CPED1: variants seen among roughly 807,000 people sequenced by gnomAD.
The protein encoded by CPED1 is cadherin like and PC-esterase domain containing 1.
CPED1 carries 114 observed loss-of-function variants against 128.2 expected under a neutral mutation model. That is an observed-to-expected ratio of 0.89 (90% CI 0.76 to 1.04). The LOEUF is 1.04. Ranked by LOEUF, CPED1 falls within the 50% of genes least tolerant of loss-of-function variation. The pLI is 0.00. For synonymous variants in CPED1, 462 were observed against 426.7 expected (o/e 1.08, Z -1.02); for missense variants, 1,211 against 1,207.1 (o/e 1.00, Z -0.05).
At chr7:121,070,013 T>A (rs1793948324) in intron 5 of CPED1, among the ~76,000 whole-genome samples, 1 of 152,060 alleles carries the variant, frequency 6.6e-6, no homozygotes, top group Non-Finnish European at 1.5e-5. Flanking sequence ...AAAGATAGCA[T>A]TTTGAACATT....
chr7:121,132,921 T>C (rs180827106), intron 12 of CPED1, among the ~76,000 whole-genome samples: 1 of 152,108 alleles, frequency 6.6e-6, no homozygotes, highest in African/African-American at 2.4e-5. Flanking sequence ...TTTTAATTCC[T>C]TGATGCTTTT....
At chr7:121,054,685 G>A (rs1283416210) in intron 4 of CPED1, among the ~76,000 whole-genome samples, 3 of 142,286 alleles carry the variant, frequency 2.1e-5, no homozygotes, top group Non-Finnish European at 4.6e-5. Context: ...TTTTTAATTT[G>A]CATGTAGTAA....
At chr7:121,129,739 C>T (rs963172552) in intron 11 of CPED1, among the ~76,000 whole-genome samples, 11 of 151,568 alleles carry the variant, frequency 7.3e-5, no homozygotes, top group Non-Finnish European at 1.3e-4. Flanking sequence ...TTTTTATTTG[C>T]GGGGGAAAGA....
intron 7 of CPED1, among the ~76,000 whole-genome samples, chr7:121,122,114 A>C (rs1795405039): frequency 2.0e-5 from 3 of 151,794 alleles, no homozygotes. Flanking sequence ...GAATGAATTA[A>C]AAAGAAGAAA....
At chr7:121,153,711 ACC>A (rs1214635158) in intron 16 of CPED1, among the ~76,000 whole-genome samples, 1 of 152,234 alleles carries the variant, frequency 6.6e-6, no homozygotes, top group Non-Finnish European at 1.5e-5. Flanking sequence ...TCTATCACAT[ACC>A]AAAACAAGAT....
At chr7:121,006,213 C>T (rs1346922670) in intron 2 of CPED1, among the ~76,000 whole-genome samples, 1 of 152,066 alleles carries the variant, frequency 6.6e-6, no homozygotes, top group Non-Finnish European at 1.5e-5. Context: ...CAGAGACTTG[C>T]TATTATATTA....
intron 5 of CPED1, among the ~76,000 whole-genome samples, chr7:121,093,334 C>A (rs1179210004): frequency 6.6e-6 from 1 of 151,698 alleles, no homozygotes; most frequent in Non-Finnish European, 1.5e-5. Context: ...CCTATGCTAT[C>A]CCTTGCTGCC....
chr7:121,029,008 C>A (rs1001688641), intron 3 of CPED1, among the ~76,000 whole-genome samples: 1 of 151,862 alleles, frequency 6.6e-6, no homozygotes, highest in Non-Finnish European at 1.5e-5. Flanking sequence ...AAACACATAC[C>A]ATAAAAACTT....
chr7:121,078,498 GAAAAAAAAAAAAAAAAA>G (rs529856618), intron 5 of CPED1, among the ~76,000 whole-genome samples: 2 of 101,928 alleles, frequency 2.0e-5, no homozygotes, highest in African/African-American at 4.3e-5. Flanking sequence ...AAGAAAGAAA[GAAAAAAAAAAAAAAAAA>G]AAAAAAAAAA....
In CPED1 at chr7:121,127,126, A is replaced by G. The variant is rs770774830; in HGVS notation, c.1171A>G (p.Met391Val). The change falls in exon 10 of 23, where the codon ATG becomes GTG. Residue 391 changes from methionine (M) to valine (V), a missense_variant. Physicochemically the swap from Met to Val is conservative, Grantham distance 21 (BLOSUM62 1). Coordinates refer to ENST00000310396, the MANE Select transcript of CPED1 (RefSeq NM_024913.5). ...EHLNFQDYDNMDFEDQNTEEF... is the reference protein window; with the variant it reads ...EHLNFQDYDNVDFEDQNTEEF... ...TTTAAATTTTCAAGATTATGATAAT[A>G]TGGATTTTGAGGACCAAAATACAGA... 1 of 1,601,672 alleles carries G rather than the reference A, an allele frequency of 6.2e-7. No homozygotes were observed. The highest frequency in any genetic ancestry group is 1.1e-5 in the South Asian group (1 of 90,332).
intron 14 of CPED1, among the ~76,000 whole-genome samples, chr7:121,140,231 G>T (rs868053): frequency 0.34 from 51,036 of 151,788 alleles, 8,956 homozygotes; most frequent in Middle Eastern, 0.49. Context: ...AGGATAGTAT[G>T]TCCTTCTTAT....
At chr7:121,172,209 A>T (rs1796662159) in intron 16 of CPED1, among the ~76,000 whole-genome samples, 2 of 152,270 alleles carry the variant, frequency 1.3e-5, no homozygotes, top group South Asian at 4.2e-4. Context: ...ATAGGTAGTA[A>T]TCGGTATCTT....
intron 17 of CPED1, among the ~76,000 whole-genome samples, chr7:121,239,750 A>T (rs1173436151): frequency 6.6e-6 from 1 of 152,168 alleles, no homozygotes; most frequent in Non-Finnish European, 1.5e-5. Context: ...CCGTTGTATC[A>T]TTCAATCTGA....
chr7:121,129,996 T>C (rs867285723), intron 11 of CPED1, 129 bp from the exon 12 acceptor site: 1 of 727,022 alleles, frequency 1.4e-6, no homozygotes, highest in African/African-American at 1.9e-5. Flanking sequence ...AACTAATTTA[T>C]GGTACTGACC....
intron 8 of CPED1, among the ~76,000 whole-genome samples, chr7:121,124,831 A>G (rs546607988): frequency 6.6e-6 from 1 of 152,228 alleles, no homozygotes; most frequent in Admixed American, 6.5e-5. Context: ...ATTCTCAAAT[A>G]TCCCACTGAT....
At chr7:121,061,448 A>G (rs1793670255) in intron 4 of CPED1, among the ~76,000 whole-genome samples, 1 of 152,232 alleles carries the variant, frequency 6.6e-6, no homozygotes, top group Non-Finnish European at 1.5e-5. Context: ...ATTAAAAATG[A>G]TAAAAAATGA....
intron 16 of CPED1, among the ~76,000 whole-genome samples, chr7:121,148,329 A>G (rs925337583): frequency 3.3e-5 from 5 of 152,220 alleles, no homozygotes. Flanking sequence ...TAATAGGTGT[A>G]GTAGCAATGA....
At chr7:121,144,206 G>A (rs1021839411) in intron 16 of CPED1, among the ~76,000 whole-genome samples, 2 of 152,028 alleles carry the variant, frequency 1.3e-5, no homozygotes, top group East Asian at 1.9e-4. Flanking sequence ...TGAAATAAAG[G>A]AAATCAGTAT....
At chr7:121,269,643 C>T (rs1426684743) in intron 21 of CPED1, among the ~76,000 whole-genome samples, 1 of 152,002 alleles carries the variant, frequency 6.6e-6, no homozygotes, top group Non-Finnish European at 1.5e-5. Flanking sequence ...TTTTGCATGG[C>T]CTCACAAACA....
Sources: allele counts gnomAD v4.1 joint callset (sites outside exome capture counted in the v4.1 genomes callset), GRCh38; gene constraint gnomAD v4.1.1; transcripts MANE v1.5; gene names NCBI Gene and HGNC (gene_info 2026-07-23, HGNC 2026-07-21).